The following SLC6A16 variants were observed in gnomAD, a reference collection of about 807,000 sequenced individuals.
The protein encoded by SLC6A16 is orphan sodium- and chloride-dependent neurotransmitter transporter NTT5.
Under a neutral mutation model 65.4 loss-of-function variants are expected in SLC6A16, and 54 were observed. The ratio of observed to expected loss-of-function variants is 0.83; its 90% CI spans 0.66 to 1.04. The LOEUF (loss-of-function observed/expected upper bound fraction) is 1.04, where lower values mean the gene tolerates loss of function less well. Among genes scored for constraint, SLC6A16 ranks in the 50% least tolerant of loss-of-function variants. SLC6A16 has a pLI of 0.00. For synonymous variants in SLC6A16, 330 were observed against 346.5 expected (o/e 0.95, Z 0.53); for missense variants, 816 against 914.0 (o/e 0.89, Z 1.38).
intron 1 of SLC6A16, among the ~76,000 whole-genome samples, chr19:49,317,233 C>T (rs1219080742): frequency 1.3e-5 from 2 of 151,650 alleles, no homozygotes; most frequent in African/African-American, 4.8e-5. Context: ...CCCAGCTACT[C>T]GGAAGGCTGA....
At chr19:49,339,310 C>T in the SLC6A16 span, 751 of 1,609,706 alleles carry the variant, frequency 4.7e-4, no homozygotes, top group Admixed American at 5.9e-4. The surrounding 1 kb of genome is among the most constrained non-coding windows in gnomAD (Gnocchi z 4.5). Flanking sequence ...ATCCCTTTAA[C>T]TTTTCCCTAC....
Position 49,325,182 on chromosome 19 carries a change from C to T in SLC6A16, c.-199G>A, listed in dbSNP as rs1970779455. On this transcript the variant is annotated 5_prime_UTR_variant, in exon 1 of 12. Coordinates refer to ENST00000335875, the MANE Select transcript of SLC6A16 (RefSeq NM_014037.3). The stretch of plus-strand genomic sequence containing the variant: ...GTCGACAGATCGGTTTGGGCGACAC[C>T]CCTCGATCTGCCTGGCGCGCGGCCT... 1.0e-6 allele frequency: 1 copy of T among 985,386 alleles called. No individual in the cohort carries two copies. Among genetic ancestry groups the T allele is most frequent in the South Asian group, 4.7e-5 (1 of 21,294 alleles). The allele number at this position is 985,386 out of a possible 1,614,324, so 61.0% of individuals were successfully genotyped here. A position where few individuals can be genotyped will look rare whatever the true frequency, so the allele number is the denominator to read the frequency against.
the SLC6A16 span, chr19:49,332,124 G>GA: frequency 2.2e-6 from 1 of 456,540 alleles, no homozygotes; most frequent in African/African-American, 2.0e-5. Flanking sequence ...GGCTCTGAGA[G>GA]AAAATCAGTT....
At chr19:49,337,280 G>C in the SLC6A16 span, 58 of 1,507,692 alleles carry the variant, frequency 3.8e-5, no homozygotes, top group Admixed American at 3.3e-4. Context: ...GAAGGGAGTG[G>C]TGGGAGAGGG....
In SLC6A16 at chr19:49,310,970, G is replaced by T. The variant is rs1970507809; in HGVS notation, c.378C>A (p.Leu126=). Residue 126 remains leucine (L), a synonymous_variant, in exon 2 of 12, where the codon CTC becomes CTA. Transcript: ENST00000335875. ...QVGFSMKPSC[L]WRFAYLWLNS... is the part of the protein sequence containing the mutation. The stretch of plus-strand genomic sequence containing the variant: ...TAAGCCACAGGTAGGCAAAGCGCCA[G>T]AGACAAGATGGCTTCATAGAGAAGC... 6.2e-7 allele frequency: 1 copy of T among 1,614,204 alleles called. No homozygotes were observed. The highest frequency in any genetic ancestry group is 8.5e-7 in the Non-Finnish European group (1 of 1,180,018).
chr19:49,336,907 A>C, the SLC6A16 span: 1 of 1,614,026 alleles, frequency 6.2e-7, no homozygotes, highest in Non-Finnish European at 8.5e-7. Context: ...CACCTCTCCC[A>C]GGCTTGGCCT....
intron 7 of SLC6A16, among the ~76,000 whole-genome samples, chr19:49,294,759 A>C (rs1355513871): frequency 1.3e-5 from 2 of 152,094 alleles, no homozygotes; most frequent in Non-Finnish European, 2.9e-5. Flanking sequence ...TGACCATGGG[A>C]GAGCCTAGGA....
At position 49,290,790 on chromosome 19, in the gene SLC6A16, T is replaced by G. The variant is rs45506193; in HGVS notation, c.1779-23A>C. ...AACCTGGAGAAGGGCCACCAGAGTG[T>G]GGGATGCCCAGTTAGGCCTCACCAC... On this transcript the variant is annotated intron_variant, in intron 10 of 11. Transcript: ENST00000335875. 8,148 of 1,589,946 alleles carry G rather than the reference T, an allele frequency of 5.1e-3. 41 individuals are homozygous for G. The highest frequency in any genetic ancestry group is 8.8e-3 in the Middle Eastern group (49 of 5,542).
the SLC6A16 span, chr19:49,338,836 A>G: frequency 2.5e-6 from 4 of 1,614,118 alleles, no homozygotes; most frequent in African/African-American, 5.3e-5. The surrounding 1 kb of genome is among the most constrained non-coding windows in gnomAD (Gnocchi z 5.0). Flanking sequence ...ATCCTAGATA[A>G]GGTGATCTTG....
the SLC6A16 span, among the ~76,000 whole-genome samples, chr19:49,334,132 C>A: frequency 2.6e-5 from 4 of 152,180 alleles, no homozygotes; most frequent in African/African-American, 7.2e-5. Context: ...GCTCCCTGGT[C>A]CAGAACAGGC....
At chr19:49,318,687 T>C (rs1970655212) in intron 1 of SLC6A16, among the ~76,000 whole-genome samples, 1 of 152,096 alleles carries the variant, frequency 6.6e-6, no homozygotes, top group African/African-American at 2.4e-5. Context: ...GAATATAAGA[T>C]AGCTAGATAG....
chr19:49,317,318 G>A (rs1180625604), intron 1 of SLC6A16, among the ~76,000 whole-genome samples: 1 of 151,908 alleles, frequency 6.6e-6, no homozygotes, highest in African/African-American at 2.4e-5. Flanking sequence ...TCCAGCTTGG[G>A]CAACAGAGTA....
chr19:49,328,065 T>C (rs1363932491), upstream of SLC6A16, among the ~76,000 whole-genome samples: 1 of 152,186 alleles, frequency 6.6e-6, no homozygotes, highest in Non-Finnish European at 1.5e-5. Flanking sequence ...ACTTTCATTT[T>C]AATGGCAGGC....
At position 49,292,537 on chromosome 19, in the gene SLC6A16, A is replaced by C. The variant is rs749399939; in HGVS notation, c.1778+686T>G. Among the ~76,000 whole-genome samples, 11 of 152,096 alleles carry C rather than the reference A, an allele frequency of 7.2e-5. No individual in the cohort carries two copies. The highest frequency in any genetic ancestry group is 1.2e-4 in the Non-Finnish European group (8 of 68,008). On this transcript the variant is annotated intron_variant, in intron 10 of 11. Transcript: ENST00000335875. This position sits in a 1 kb window ranked among gnomAD's most constrained non-coding sequence, Gnocchi z 4.3. ...GTCATTCTCCTACTCAAAACCCTCC[A>C]ATGCTTCATCTGCCATTCTGCATAC...
At chr19:49,335,197 C>G in the SLC6A16 span, 1 of 303,186 alleles carries the variant, frequency 3.3e-6, no homozygotes, top group Non-Finnish European at 6.2e-6. This position sits in a 1 kb window ranked among gnomAD's most constrained non-coding sequence, Gnocchi z 4.6. Context: ...TCCAGTAGAT[C>G]AGGGGTCCCT....
intron 10 of SLC6A16, among the ~76,000 whole-genome samples, 155 bp from the exon 11 acceptor site, chr19:49,290,922 AGTCT>A (rs1970066666): frequency 6.6e-6 from 1 of 152,144 alleles, no homozygotes; most frequent in Admixed American, 6.5e-5. Flanking sequence ...CCCCCTAGTC[AGTCT>A]GTCTTCTATC....
the SLC6A16 span, chr19:49,337,350 C>G: frequency 5.3e-6 from 5 of 944,498 alleles, no homozygotes; most frequent in Non-Finnish European, 8.2e-6. Context: ...AAATAAGAGG[C>G]TGGGCCTGGT....
In SLC6A16 at chr19:49,294,043, A is replaced by C. The variant is rs946817770; in HGVS notation, c.1417-15T>G. The C allele has an allele frequency of 3.7e-6, 6 of 1,603,742 alleles. No individual in the cohort carries two copies. The African/African-American group carries it at 5.3e-5, about 14-fold the overall frequency. ...CCCTCGCTAGCCTGCAAAGAGAACAAAGAGGTGTTAAAGTGTCATTGAACT... is the reference window on the plus strand; with the variant it reads ...CCCTCGCTAGCCTGCAAAGAGAACACAGAGGTGTTAAAGTGTCATTGAACT... On this transcript the variant is annotated splice_polypyrimidine_tract_variant and intron_variant, in intron 8 of 11. Coordinates refer to ENST00000335875, the MANE Select transcript of SLC6A16 (RefSeq NM_014037.3).
intron 7 of SLC6A16, among the ~76,000 whole-genome samples, chr19:49,297,118 T>A (rs1970201256): frequency 2.0e-5 from 3 of 152,246 alleles, no homozygotes; most frequent in Non-Finnish European, 4.4e-5. Flanking sequence ...AAAGGCTTCA[T>A]TAACGAAAGA....
Sources: allele counts gnomAD v4.1 joint callset (sites outside exome capture counted in the v4.1 genomes callset), GRCh38; gene constraint gnomAD v4.1.1; non-coding constraint Gnocchi (gnomAD v3.1); transcripts MANE v1.5; gene names NCBI Gene and HGNC (gene_info 2026-07-23, HGNC 2026-07-21).